The following GLRB variants were observed in gnomAD, a reference collection of about 807,000 sequenced individuals.
GLRB encodes glycine receptor beta.
GLRB carries 33 observed loss-of-function variants against 54.2 expected under a neutral mutation model. That is an observed-to-expected ratio of 0.61 (90% confidence interval 0.46 to 0.81). The LOEUF (loss-of-function observed/expected upper bound fraction) is 0.81. Ranked by LOEUF, GLRB falls within the 40% of genes least tolerant of loss-of-function variation. The pLI, the probability that GLRB is intolerant of heterozygous loss-of-function variation, is 0.00. For synonymous variants in GLRB, 209 were observed against 208.2 expected, an observed-to-expected ratio of 1.00 and a Z score of -0.03; for missense variants, 572 against 584.6, an observed-to-expected ratio of 0.98 and a Z score of 0.22.
At chr4:157,093,754 CAAA>C (rs70958808) in intron 2 of GLRB, among the ~76,000 whole-genome samples, 9 of 60,822 alleles carry the variant, frequency 1.5e-4, no homozygotes, top group South Asian at 6.0e-4. Context: ...GACTCCATCT[CAAA>C]AAAAAAAAAA....
rs1055997635 is a variant in GLRB at position 157,143,871 on chromosome 4, G to A, written c.816G>A (p.Gly272=). The A allele has an allele frequency of 5.0e-6, 8 of 1,613,602 alleles. No individual in the cohort carries two copies. The African/African-American group carries it at 1.1e-4, about 22-fold the overall frequency. The change falls in exon 8 of 10, where the codon GGG becomes GGA. Residue 272 remains glycine, a synonymous_variant. Coordinates refer to ENST00000264428, the MANE Select transcript of GLRB (RefSeq NM_000824.5). ...LRRQVGFYMM[G]VYAPTLLIVV... is the part of the protein sequence containing the mutation. The stretch of plus-strand genomic sequence containing the variant: ...GGCAGGTCGGCTTTTACATGATGGG[G>A]GTCTACGCCCCAACTCTGCTCATTG...
chr4:157,078,504 G>GT (rs149433466), intron 2 of GLRB, among the ~76,000 whole-genome samples: 5,318 of 150,858 alleles, frequency 0.035, 128 homozygotes, highest in South Asian at 0.11. Flanking sequence ...AGTTCAAAAA[G>GT]TTTTTTTTTA....
chr4:157,141,937 C>A (rs1405333343), intron 7 of GLRB, among the ~76,000 whole-genome samples: 1 of 152,002 alleles, frequency 6.6e-6, no homozygotes, highest in Admixed American at 6.6e-5. Flanking sequence ...AACTATGCTA[C>A]TTTGTAGTAA....
intron 8 of GLRB, among the ~76,000 whole-genome samples, chr4:157,148,933 T>C (rs1736917137): frequency 6.6e-6 from 1 of 152,114 alleles, no homozygotes; most frequent in African/African-American, 2.4e-5. Context: ...CCAATTATAA[T>C]TATGGAATTA....
chr4:157,163,792 G>C (rs552607289), intron 9 of GLRB, among the ~76,000 whole-genome samples: 46 of 150,188 alleles, frequency 3.1e-4, no homozygotes, highest in African/African-American at 1.1e-3. Flanking sequence ...AGGCTCATCT[G>C]CTTCCTCTTC....
chr4:157,114,634 G>A (rs1208611432), intron 2 of GLRB, among the ~76,000 whole-genome samples: 2 of 151,626 alleles, frequency 1.3e-5, no homozygotes, highest in Non-Finnish European at 2.9e-5. Flanking sequence ...ATGCCTTCTT[G>A]TGCTTCTCTT....
chr4:157,142,278 C>T (rs1383584758), intron 7 of GLRB, among the ~76,000 whole-genome samples: 1 of 152,024 alleles, frequency 6.6e-6, no homozygotes, highest in Non-Finnish European at 1.5e-5. Flanking sequence ...CTTTGAAAAC[C>T]TGTGAATGAC....
In GLRB at chr4:157,154,994, T is replaced by A. The variant is rs1200445258; in HGVS notation, c.1197+1984T>A. 1.3e-5 allele frequency among the ~76,000 whole-genome samples: 2 copies of A among 152,210 alleles called. 1 individual carries two copies. Among genetic ancestry groups the A allele is most frequent in the Non-Finnish European group, 2.9e-5 (2 of 68,030 alleles). On this transcript the variant is annotated intron_variant, in intron 9 of 9. Coordinates refer to ENST00000264428, the MANE Select transcript of GLRB (RefSeq NM_000824.5). Reference sequence around the variant, plus strand: ...GCATACATTTAGAGCCACATTATAGTTTTTGCATCACCATCAAATATAATT... The same window carrying A: ...GCATACATTTAGAGCCACATTATAGATTTTGCATCACCATCAAATATAATT...
intron 2 of GLRB, among the ~76,000 whole-genome samples, chr4:157,094,059 G>A (rs1381015879): frequency 6.6e-6 from 1 of 152,082 alleles, no homozygotes; most frequent in African/African-American, 2.4e-5. Flanking sequence ...TTAAGCACAA[G>A]TTTTTTTGGG....
At chr4:157,120,518 T>A in intron 2 of GLRB, 38 bp from the exon 3 acceptor site, 1 of 1,120,008 alleles carries the variant, frequency 8.9e-7, no homozygotes, top group Non-Finnish European at 1.4e-6. Flanking sequence ...TTGTTTGCTA[T>A]TTATAACTAC....
At position 157,078,076 on chromosome 4, in the gene GLRB, G is replaced by A. The variant is rs547823780; in HGVS notation, c.52G>A (p.Glu18Lys). The A allele has an allele frequency of 5.0e-5, 80 of 1,611,038 alleles. No individual in the cohort carries two copies. Among genetic ancestry groups the A allele is most frequent in the African/African-American group, 2.0e-4 (15 of 74,936 alleles). Residue 18 changes from glutamate (E) to lysine (K), a missense_variant, in exon 2 of 10, where the codon GAA becomes AAA. Physicochemically the swap from Glu to Lys is moderately conservative, Grantham distance 56. Transcript: ENST00000264428. ...AFLILISLWV[E>K]EAYSKEKSSK... ...TTTAATTTTAATTTCCTTGTGGGTG[G>A]AAGAAGCCTATTCTAAGGAAAAGTC... is the stretch of plus-strand genomic sequence containing the variant.
intron 9 of GLRB, among the ~76,000 whole-genome samples, chr4:157,169,596 G>T (rs1024896031): frequency 2.0e-5 from 3 of 151,892 alleles, no homozygotes; most frequent in Non-Finnish European, 4.4e-5. Context: ...CTGTATTTTT[G>T]ATCTGCATTT....
chr4:157,117,386 T>C (rs1380533123), intron 2 of GLRB, among the ~76,000 whole-genome samples: 1 of 151,738 alleles, frequency 6.6e-6, no homozygotes, highest in Non-Finnish European at 1.5e-5. Context: ...CCAATGTTTT[T>C]CTACCATTAT....
At chr4:157,077,304 G>T (rs866275203) in intron 1 of GLRB, among the ~76,000 whole-genome samples, 13 of 152,100 alleles carry the variant, frequency 8.5e-5, no homozygotes, top group African/African-American at 3.1e-4. Context: ...TAGAATTTCT[G>T]AAGTAATCTT....
At chr4:157,100,399 A>T (rs1734975048) in intron 2 of GLRB, among the ~76,000 whole-genome samples, 1 of 152,156 alleles carries the variant, frequency 6.6e-6, no homozygotes, top group Admixed American at 6.5e-5. Flanking sequence ...TTATGTCTTT[A>T]TTGTAAATCA....
At chr4:157,110,007 C>T (rs1365539597) in intron 2 of GLRB, among the ~76,000 whole-genome samples, 1 of 151,934 alleles carries the variant, frequency 6.6e-6, no homozygotes, top group Non-Finnish European at 1.5e-5. Flanking sequence ...ATCATAAAGC[C>T]ATGATTGATG....
At chr4:157,147,243 G>T (rs1173033771) in intron 8 of GLRB, among the ~76,000 whole-genome samples, 1 of 152,226 alleles carries the variant, frequency 6.6e-6, no homozygotes, top group Admixed American at 6.5e-5. Flanking sequence ...GAGGGACTGA[G>T]AAAATGAGGA....
intron 2 of GLRB, among the ~76,000 whole-genome samples, chr4:157,115,088 A>G (rs1263493586): frequency 2.0e-5 from 3 of 151,746 alleles, no homozygotes; most frequent in Admixed American, 2.0e-4. Flanking sequence ...ATATTTCCCC[A>G]TTTATTCAAT....
At chr4:157,100,858 TAGGA>T (rs1205709940) in intron 2 of GLRB, among the ~76,000 whole-genome samples, 1 of 152,144 alleles carries the variant, frequency 6.6e-6, no homozygotes, top group Non-Finnish European at 1.5e-5. Context: ...AAATGAGAAC[TAGGA>T]AATTTTTGGT....
Sources: allele counts gnomAD v4.1 joint callset (sites outside exome capture counted in the v4.1 genomes callset), GRCh38; gene constraint gnomAD v4.1.1; transcripts MANE v1.5; gene names NCBI Gene and HGNC (gene_info 2026-07-23, HGNC 2026-07-21).